GRM6: variants seen among roughly 807,000 people sequenced by gnomAD.
GRM6 encodes the protein glutamate metabotropic receptor 6.
GRM6 carries 73 observed loss-of-function variants against 78.4 expected under a neutral mutation model. The ratio of observed to expected loss-of-function variants is 0.93; its 90% CI spans 0.77 to 1.13. GRM6 has a LOEUF of 1.13. Ranked by LOEUF, GRM6 falls within the 50% of genes most tolerant of loss-of-function variation. The pLI is 0.00. For missense variants in GRM6, 1,251 were observed against 1,256.4 expected (o/e 1.00, Z 0.07); for synonymous variants, 580 against 555.0 (o/e 1.05, Z -0.63).
At position 178,981,681 on chromosome 5, in the gene GRM6, G is replaced by T. The variant is rs61731186; in HGVS notation, c.2610C>A (p.Gly870=). ...ATSTVAAPPK[G]EDAEAHK ...GCTACTTGTGGGCCTCTGCATCCTC[G>T]CCCTTGGGTGGGGCTGCCACCGTGG... The change falls in exon 11 of 11, where the codon GGC becomes GGA. Residue 870 remains glycine (G), a synonymous_variant. Coordinates refer to ENST00000517717, the MANE Select transcript of GRM6 (RefSeq NM_000843.4). The surrounding 1 kb of genome is among the most constrained non-coding windows in gnomAD (Gnocchi z 5.1). 3 of 1,613,800 alleles carry T rather than the reference G, an allele frequency of 1.9e-6. No homozygotes were observed. The highest frequency in any genetic ancestry group is 4.5e-5 in the East Asian group (2 of 44,878).
At chr5:178,984,123 C>T (rs985137593) in intron 9 of GRM6, among the ~76,000 whole-genome samples, 18 of 152,002 alleles carry the variant, frequency 1.2e-4, no homozygotes, top group Admixed American at 1.0e-3. Flanking sequence ...GTCAGGAGAT[C>T]GAGACCAACT....
rs1295391660 is a variant in GRM6, at chr5:178,983,095, G to C, written c.2251C>G (p.Leu751Val). Residue 751 changes from leucine (L) to valine (V), a missense_variant, in exon 10 of 11, where the codon CTC becomes GTC. Physicochemically the swap from Leu to Val is conservative, Grantham distance 32. Transcript: ENST00000517717. ...VLKCDMSDLS[L>V]IGCLGYSLLL... ...AGGCTGTAGCCCAGGCAGCCGATGA[G>C]AGACAGATCCGACATGTCGCACTTG... 6.2e-7 allele frequency: 1 copy of C among 1,614,108 alleles called. No individual in the cohort carries two copies. Among genetic ancestry groups the C allele is most frequent in the Non-Finnish European group, 8.5e-7 (1 of 1,180,002 alleles).
At chr5:178,990,336 A>G (rs1760647786) in intron 5 of GRM6, among the ~76,000 whole-genome samples, 1 of 152,162 alleles carries the variant, frequency 6.6e-6, no homozygotes. Flanking sequence ...AAATACAGGC[A>G]CTAAATTAAG....
rs755763447 is a variant in GRM6 at position 178,982,902 on chromosome 5, C to A, written c.2436+8G>T. On this transcript the variant is annotated splice_region_variant and intron_variant, in intron 10 of 10. Transcript: ENST00000517717. ...ACAGGCAGCGAGACCTCCTGGGGAC[C>A]TCATTACCTTTTCAGCTGACTGGGC... 6.2e-7 allele frequency: 1 copy of A among 1,608,020 alleles called. No homozygotes were observed. Among genetic ancestry groups the A allele is most frequent in the South Asian group, 1.1e-5 (1 of 90,960 alleles).
chr5:178,989,211 A>AAG, intron 6 of GRM6, 54 bp downstream of exon 6: 1 of 121,736 alleles, frequency 8.2e-6, no homozygotes, highest in Non-Finnish European at 1.3e-5. Flanking sequence ...CCCCCTCCCC[A>AAG]CCCTCACCAC....
intron 10 of GRM6, among the ~76,000 whole-genome samples, chr5:178,982,365 G>T (rs1253123613): frequency 6.6e-6 from 1 of 152,104 alleles, no homozygotes; most frequent in East Asian, 1.9e-4. Context: ...GTCACTTGAG[G>T]TCAAGAATTT....
At chr5:178,984,584 C>T (rs370306427) in intron 9 of GRM6, among the ~76,000 whole-genome samples, 36 of 152,156 alleles carry the variant, frequency 2.4e-4, no homozygotes, top group African/African-American at 6.3e-4. Context: ...GGGTCCCCAA[C>T]GGGGTCTAAG....
rs1760747050 is a variant in GRM6, at chr5:178,994,907, A to C, written c.38T>G (p.Val13Gly). The change falls in exon 2 of 11, where the codon GTG becomes GGG. Residue 13 changes from valine to glycine, a missense_variant. By Grantham distance (109) the Val-to-Gly change is moderately radical. Transcript: ENST00000517717. Reference sequence around the variant, plus strand: ...CAGCCACGCCAGCGGCAGCAGCGCCACGAGCAGCGGCTCCCGGGCTCTCCG... The same window carrying C: ...CAGCCACGCCAGCGGCAGCAGCGCCCCGAGCAGCGGCTCCCGGGCTCTCCG... The part of the protein sequence containing the change: ...RPRRAREPLL[V>G]ALLPLAWLAQ... The C allele has an allele frequency of 8.3e-7, 1 of 1,207,508 alleles. No individual in the cohort carries two copies. Among genetic ancestry groups the C allele is most frequent in the African/African-American group, 1.6e-5 (1 of 62,444 alleles). The allele number at this position is 1,207,508 out of a possible 1,614,324, so 74.8% of individuals were successfully genotyped here.
rs554079886 is a variant in GRM6, at chr5:178,986,621, C to T, written c.1633G>A (p.Gly545Arg). The T allele has an allele frequency of 8.7e-6, 14 of 1,603,280 alleles. No individual in the cohort carries two copies. Among genetic ancestry groups the T allele is most frequent in the Admixed American group, 1.7e-5 (1 of 60,028 alleles). The change falls in exon 9 of 11, where the codon GGG becomes AGG. Residue 545 changes from glycine to arginine, a missense_variant. Transcript: ENST00000517717. ...AACTCGTCCACCTGGAAGCGGTACC[C>T]GTCACAGGCCTCGCAGTGCCAACAG... ...PCCWHCEACD[G>R]YRFQVDEFTC...
At position 178,990,541 on chromosome 5, in the gene GRM6, G is replaced by T. The variant is rs112569815; in HGVS notation, c.1012+51C>A. Reference sequence around the variant, plus strand: ...TGCAGAAAATGAGCATCCCCAAGAGGGGGTGCTGGGGAGACGTGTGGGGTG... The same window carrying T: ...TGCAGAAAATGAGCATCCCCAAGAGTGGGTGCTGGGGAGACGTGTGGGGTG... On this transcript the variant is annotated intron_variant, in intron 5 of 10. Coordinates refer to ENST00000517717, the MANE Select transcript of GRM6 (RefSeq NM_000843.4). The T allele has an allele frequency of 3.5e-6, 5 of 1,447,930 alleles. No individual in the cohort carries two copies. The African/African-American group carries it at 4.2e-5, about 12-fold the overall frequency. The allele number at this position is 1,447,930 out of a possible 1,614,324, so 89.7% of individuals were successfully genotyped here.
rs1203843360 is a variant in GRM6, at chr5:178,981,940, C to T, written c.2437-86G>A. 5.5e-6 allele frequency: 5 copies of T among 907,642 alleles called. No individual in the cohort carries two copies. In the Admixed American group the frequency reaches 6.8e-5, roughly 12 times the overall value. 56.2% of individuals were successfully genotyped at this position (907,642 alleles called of 1,614,324 possible). A position where few individuals can be genotyped will look rare whatever the true frequency, so the allele number is the denominator to read the frequency against. On this transcript the variant is annotated intron_variant, in intron 10 of 10. Transcript: ENST00000517717. The surrounding 1 kb of genome is among the most constrained non-coding windows in gnomAD (Gnocchi z 5.1). ...ACAGTCCTCACCACATACTCTGGAGCTGAGTCTGTTTCAGTTGGGGAACTG... is the reference window on the plus strand; with the variant it reads ...ACAGTCCTCACCACATACTCTGGAGTTGAGTCTGTTTCAGTTGGGGAACTG...
rs1012166976 is a variant in GRM6, at chr5:178,988,222, T to C, written c.1354+713A>G. 1.3e-5 allele frequency among the ~76,000 whole-genome samples: 2 copies of C among 152,112 alleles called. No individual in the cohort carries two copies. Among genetic ancestry groups the C allele is most frequent in the Non-Finnish European group, 2.9e-5 (2 of 68,024 alleles). On this transcript the variant is annotated intron_variant, in intron 7 of 10. Coordinates refer to ENST00000517717, the MANE Select transcript of GRM6 (RefSeq NM_000843.4). This position sits in a 1 kb window ranked among gnomAD's most constrained non-coding sequence, Gnocchi z 6.0. ...AGAGGTCTGAGTGACAGTATGAAAT[T>C]GGAATGACTTGAACAATGAGCTCTA...
At chr5:178,990,886 G>C in intron 4 of GRM6, 140 bp from the exon 5 acceptor site, 1 of 709,040 alleles carries the variant, frequency 1.4e-6, no homozygotes, top group Non-Finnish European at 2.3e-6. Flanking sequence ...GGGGCCGGGG[G>C]CATTTAGGGC....
chr5:178,985,773 T>G, intron 9 of GRM6: 1 of 480,780 alleles, frequency 2.1e-6, no homozygotes, highest in East Asian at 5.8e-5. Context: ...ATTTATCTTT[T>G]TGTTTTGAGA....
At chr5:178,985,474 T>A (rs113903481) in intron 9 of GRM6, among the ~76,000 whole-genome samples, 9 of 150,160 alleles carry the variant, frequency 6.0e-5, no homozygotes, top group East Asian at 3.9e-4. Context: ...GAGGCCGAGG[T>A]GGGCGGATCA....
intron 2 of GRM6, among the ~76,000 whole-genome samples, chr5:178,993,735 T>C (rs1321871014): frequency 1.3e-5 from 2 of 152,136 alleles, no homozygotes; most frequent in African/African-American, 4.8e-5. Flanking sequence ...ATCCCGATTC[T>C]GCTGGCCCCT....
chr5:178,985,522 T>C (rs556699259), intron 9 of GRM6: 53 of 337,698 alleles, frequency 1.6e-4, no homozygotes, highest in African/African-American at 5.7e-4. Flanking sequence ...GCTAACACGG[T>C]GAAGCCCTGT....
chr5:178,987,979 C>T (rs1269873768), intron 7 of GRM6, among the ~76,000 whole-genome samples: 4 of 151,064 alleles, frequency 2.6e-5, no homozygotes, highest in African/African-American at 4.9e-5. Context: ...AGGCTGGTCT[C>T]GAACTCCTGA....
At chr5:178,985,272 T>C (rs35715923) in intron 9 of GRM6, 259,489 of 455,690 alleles carry the variant, frequency 0.57, 77,014 homozygotes, top group Admixed American at 0.68. Context: ...TTCACTGTTG[T>C]ACAGAAAGAT....
Sources: gnomAD v4.1 joint callset for allele counts (sites outside exome capture counted in the v4.1 genomes callset) on GRCh38, gnomAD v4.1.1 for gene constraint, Gnocchi (gnomAD v3.1) non-coding constraint, MANE v1.5 for transcripts, NCBI Gene and HGNC (gene_info 2026-07-23, HGNC 2026-07-21) for gene names.